The following UPF1 variants were observed in gnomAD, a reference collection of about 807,000 sequenced individuals.
UPF1 encodes UPF1 RNA helicase and ATPase.
UPF1 carries 9 observed loss-of-function variants against 129.2 expected under a neutral mutation model. The ratio of observed to expected loss-of-function variants is 0.07; its 90% CI spans 0.04 to 0.12. The LOEUF (loss-of-function observed/expected upper bound fraction) is 0.12, where lower values mean the gene tolerates loss of function less well. Among genes scored for constraint, UPF1 ranks in the 10% least tolerant of loss-of-function variants. The pLI is 1.00. For missense variants in UPF1, 788 were observed against 1,525.3 expected (o/e 0.52, Z 8.05); for synonymous variants, 649 against 644.9 (o/e 1.01, Z -0.10).
chr19:18,865,900 C>T lies in UPF1; in HGVS notation c.3237+122C>T. 6.4e-7 allele frequency: 1 copy of T among 1,573,368 alleles called. No individual in the cohort carries two copies. The highest frequency in any genetic ancestry group is 8.6e-7 in the Non-Finnish European group (1 of 1,158,826). On this transcript the variant is annotated intron_variant, in intron 22 of 23. Coordinates refer to ENST00000262803, the MANE Select transcript of UPF1 (RefSeq NM_002911.4). The surrounding 1 kb of genome is among the most constrained non-coding windows in gnomAD (Gnocchi z 6.1). ...ATGTCCACTGTCTGAATTACCTGTCCCTGGGCTGGGGTCATCAGAGTGGGT... is the reference window on the plus strand; with the variant it reads ...ATGTCCACTGTCTGAATTACCTGTCTCTGGGCTGGGGTCATCAGAGTGGGT...
intron 3 of UPF1, chr19:18,849,708 T>C: frequency 1.3e-5 from 3 of 230,420 alleles, no homozygotes; most frequent in South Asian, 9.7e-5. Context: ...GGGTTGACCT[T>C]GGAAAGAAGG....
intron 1 of UPF1, chr19:18,833,392 G>A (rs2055449808): frequency 6.6e-6 from 1 of 152,174 alleles, no homozygotes; most frequent in Non-Finnish European, 1.5e-5. Flanking sequence ...CTTCCAATAA[G>A]ACAGCAATAA....
chr19:18,861,991 C>T lies in UPF1; in HGVS notation c.2458-19C>T. On this transcript the variant is annotated intron_variant, in intron 17 of 23. Coordinates refer to ENST00000262803, the MANE Select transcript of UPF1 (RefSeq NM_002911.4). ...AAGGCAGCCTGCTGGCTGATAGTGA[C>T]CACAAAGCTCCCTTCCAGGAGGTGG... is the stretch of plus-strand genomic sequence containing the variant. The T allele has an allele frequency of 4.3e-6, 7 of 1,613,158 alleles. No homozygotes were observed. The highest frequency in any genetic ancestry group is 5.9e-6 in the Non-Finnish European group (7 of 1,179,688).
chr19:18,853,403 G>T lies in UPF1; in HGVS notation c.1156+53G>T, dbSNP rs748586692. ...CGGCTGGTGGGAGAGGAAAGTGGGGGCATCAGGTGGAGGCCACTGTGGATT... is the reference window on the plus strand; with the variant it reads ...CGGCTGGTGGGAGAGGAAAGTGGGGTCATCAGGTGGAGGCCACTGTGGATT... On this transcript the variant is annotated intron_variant, in intron 8 of 23. Transcript: ENST00000262803. The surrounding 1 kb of genome is among the most constrained non-coding windows in gnomAD (Gnocchi z 4.4). The T allele has an allele frequency of 3.3e-5, 50 of 1,514,334 alleles. No homozygotes were observed. Among genetic ancestry groups the T allele is most frequent in the Non-Finnish European group, 4.4e-5 (49 of 1,120,892 alleles). 93.8% of individuals were successfully genotyped at this position (1,514,334 alleles called of 1,614,324 possible).
intron 6 of UPF1, 56 bp downstream of exon 6, chr19:18,852,352 C>T (rs1289061404): frequency 6.9e-6 from 11 of 1,590,838 alleles, no homozygotes; most frequent in South Asian, 1.1e-5. Flanking sequence ...ACAGCTCTCT[C>T]CTCAGGCTTC....
chr19:18,859,038 C>T (rs1451159433), intron 15 of UPF1, among the ~76,000 whole-genome samples: 1 of 152,186 alleles, frequency 6.6e-6, no homozygotes, highest in African/African-American at 2.4e-5. Flanking sequence ...TGGGCCACAC[C>T]ACTCTTTGCC....
In UPF1 at chr19:18,853,611, G is replaced by A. The variant is rs776654667; in HGVS notation, c.1156+261G>A. 1.6e-4 allele frequency among the ~76,000 whole-genome samples: 25 copies of A among 152,214 alleles called. No individual in the cohort carries two copies. Among genetic ancestry groups the A allele is most frequent in the Non-Finnish European group, 3.2e-4 (22 of 68,038 alleles). On this transcript the variant is annotated intron_variant, in intron 8 of 23. Coordinates refer to ENST00000262803, the MANE Select transcript of UPF1 (RefSeq NM_002911.4). The surrounding 1 kb of genome is among the most constrained non-coding windows in gnomAD (Gnocchi z 4.4). ...CACTTGTGTGGCGCGTCCCTGGGCTGACTCTGGAAGTTAATGTATGCCGCT... is the reference window on the plus strand; with the variant it reads ...CACTTGTGTGGCGCGTCCCTGGGCTAACTCTGGAAGTTAATGTATGCCGCT...
rs2055682476 is a variant in UPF1 at position 18,853,502 on chromosome 19, G to C, written c.1156+152G>C. 1 of 703,106 alleles carries C rather than the reference G, an allele frequency of 1.4e-6. No individual in the cohort carries two copies. Among genetic ancestry groups the C allele is most frequent in the Non-Finnish European group, 2.3e-6 (1 of 441,920 alleles). 43.6% of individuals were successfully genotyped at this position (703,106 alleles called of 1,614,324 possible). On this transcript the variant is annotated intron_variant, in intron 8 of 23. Transcript: ENST00000262803. This position sits in a 1 kb window ranked among gnomAD's most constrained non-coding sequence, Gnocchi z 4.4. Reference sequence around the variant, plus strand: ...TTGGCATCGCCCTCCACTGCTCTTAGGAGAATCACAGGGCCTTCACCTTCA... The same window carrying C: ...TTGGCATCGCCCTCCACTGCTCTTACGAGAATCACAGGGCCTTCACCTTCA...
chr19:18,852,097 A>T (rs1255224301), intron 5 of UPF1, 38 bp from the exon 6 acceptor site: 1 of 1,559,482 alleles, frequency 6.4e-7, no homozygotes, highest in East Asian at 2.4e-5. Context: ...ATGTAGGGAA[A>T]AACAGGACGA....
intron 17 of UPF1, 135 bp downstream of exon 17, chr19:18,861,117 C>T: frequency 8.0e-7 from 1 of 1,246,510 alleles, no homozygotes; most frequent in East Asian, 2.6e-5. Context: ...AGCTGGCCCA[C>T]CCTCTGGGGA....
rs571835096 is a variant in UPF1 at position 18,846,943 on chromosome 19, G to A, written c.372-801G>A. On this transcript the variant is annotated intron_variant, in intron 2 of 23. Transcript: ENST00000262803. ...CGGGAGGCGGAGGTTGTAGTGAGCC[G>A]AGATCGCACCACTGCACTCCAGCCT... Among the ~76,000 whole-genome samples, 116 of 152,320 alleles carry A rather than the reference G, an allele frequency of 7.6e-4. 4 individuals carry two copies. The South Asian group carries it at 0.02, about 26-fold the overall frequency.
At chr19:18,838,312 A>C (rs187252408) in intron 1 of UPF1, among the ~76,000 whole-genome samples, 1 of 152,226 alleles carries the variant, frequency 6.6e-6, no homozygotes, top group African/African-American at 2.4e-5. Flanking sequence ...GCACCACTGC[A>C]CTCCAGCCTG....
Position 18,855,968 on chromosome 19 carries a change from C to G in UPF1, c.1588C>G (p.Leu530Val). 6.2e-7 allele frequency: 1 copy of G among 1,613,972 alleles called. No homozygotes were observed. The highest frequency in any genetic ancestry group is 8.5e-7 in the Non-Finnish European group (1 of 1,180,040). ...TCCGAGCAACATCGCCGTGGACCAG[C>G]TAACGGAGAAGATCCACCAGACGGG... Reference protein sequence around the residue: ...CAPSNIAVDQLTEKIHQTGLK... With the variant: ...CAPSNIAVDQVTEKIHQTGLK... The change falls in exon 12 of 24, where the codon CTA (leucine) becomes GTA (valine). Residue 530 changes from leucine to valine, a missense_variant. Transcript: ENST00000262803.
intron 11 of UPF1, 187 bp downstream of exon 11, chr19:18,855,429 T>TC (rs2055706287): frequency 1.4e-6 from 1 of 692,488 alleles, no homozygotes; most frequent in Non-Finnish European, 2.4e-6. Flanking sequence ...GGATTGCATT[T>TC]TAGTAACCAG....
intron 1 of UPF1, among the ~76,000 whole-genome samples, chr19:18,834,283 G>T (rs1231124085): frequency 6.6e-6 from 1 of 152,256 alleles, no homozygotes; most frequent in Non-Finnish European, 1.5e-5. Flanking sequence ...TGACAGCGCG[G>T]ATCGGGGGGT....
At chr19:18,860,297 T>C in intron 15 of UPF1, 24 bp from the exon 16 acceptor site, 1 of 1,612,582 alleles carries the variant, frequency 6.2e-7, no homozygotes, top group South Asian at 1.1e-5. Flanking sequence ...TTTTGAAGTG[T>C]TACTTCTTTC....
rs1417268403 is a variant in UPF1, at chr19:18,866,142, G to A, written c.3336G>A (p.Val1112=). Residue 1112 remains valine, a synonymous_variant, in exon 23 of 24, where the codon GTG becomes GTA. Transcript: ENST00000262803. ...QGERAYQHGG[V]TGLSQY ...AGCGGGCTTACCAGCATGGCGGGGT[G>A]ACGGGGCTGTCCCAGTATTAAAAGG... is the stretch of plus-strand genomic sequence containing the variant. The A allele has an allele frequency of 1.2e-6, 2 of 1,609,038 alleles. No homozygotes were observed. The highest frequency in any genetic ancestry group is 1.7e-6 in the Non-Finnish European group (2 of 1,177,734).
chr19:18,833,563 G>T (rs1397708278), intron 1 of UPF1, among the ~76,000 whole-genome samples: 1 of 151,994 alleles, frequency 6.6e-6, no homozygotes, highest in East Asian at 1.9e-4. Context: ...GTGGGAGAGG[G>T]GCTGGGGGGG....
In UPF1 at chr19:18,865,259, A is replaced by G; in HGVS notation, c.2858-30A>G. ...CGCTGGGGTTTGACCGAGGCAGGTG[A>G]CACCTGCCGTGTTCCACTGTGATTT... On this transcript the variant is annotated intron_variant, in intron 20 of 23. Coordinates refer to ENST00000262803, the MANE Select transcript of UPF1 (RefSeq NM_002911.4). This position sits in a 1 kb window ranked among gnomAD's most constrained non-coding sequence, Gnocchi z 6.1. 6.3e-7 allele frequency: 1 copy of G among 1,580,918 alleles called. No homozygotes were observed. The highest frequency in any genetic ancestry group is 8.6e-7 in the Non-Finnish European group (1 of 1,156,892).
Sources: gnomAD v4.1 joint callset for allele counts (sites outside exome capture counted in the v4.1 genomes callset) on GRCh38, gnomAD v4.1.1 for gene constraint, Gnocchi (gnomAD v3.1) non-coding constraint, MANE v1.5 for transcripts, NCBI Gene and HGNC (gene_info 2026-07-23, HGNC 2026-07-21) for gene names.